KIF9: variants seen among roughly 807,000 people sequenced by gnomAD.
KIF9 encodes the protein kinesin family member 9.
Under a neutral mutation model 94.8 loss-of-function variants are expected in KIF9, and 68 were observed. The observed-to-expected ratio is 0.72, with a 90% confidence interval of 0.59 to 0.88. The LOEUF (loss-of-function observed/expected upper bound fraction) is 0.88, where lower values mean the gene tolerates loss of function less well. Among genes scored for constraint, KIF9 ranks in the 40% least tolerant of loss-of-function variants. The pLI is 0.00. For synonymous variants in KIF9, 343 were observed against 362.1 expected (o/e 0.95, Z 0.60); for missense variants, 882 against 982.5 (o/e 0.90, Z 1.37).
At chr3:47,250,596 C>T (rs1298125223) in intron 10 of KIF9, 2 of 486,786 alleles carry the variant, frequency 4.1e-6, no homozygotes, top group Non-Finnish European at 8.3e-6. Context: ...TATGAACACA[C>T]AATCATCACA....
At chr3:47,269,732 G>C (rs1701515748) in intron 5 of KIF9, among the ~76,000 whole-genome samples, 1 of 149,158 alleles carries the variant, frequency 6.7e-6, no homozygotes, top group Non-Finnish European at 1.5e-5. Flanking sequence ...CCCCCGAGTA[G>C]CTGGGATTAC....
At position 47,234,563 on chromosome 3, in the gene KIF9, C is replaced by CT. The variant is rs954442179; in HGVS notation, c.2322+949dup. On this transcript the variant is annotated intron_variant, in intron 20 of 20. Coordinates refer to ENST00000684063, the MANE Select transcript of KIF9 (RefSeq NM_182902.4). ...CCACTGTGCCCAGCATTTTTTTTTT[C>CT]TTTTTTTTTGAGATAGAGTTTCGCT... Among the ~76,000 whole-genome samples, 58 of 132,392 alleles carry CT rather than the reference C, an allele frequency of 4.4e-4. No homozygotes were observed. The East Asian group carries it at 1.0e-2, about 23-fold the overall frequency. The allele number at this position is 132,392 out of a possible 152,430, so 86.9% of individuals were successfully genotyped here. A position where few individuals can be genotyped will look rare whatever the true frequency, so the allele number is the denominator to read the frequency against.
intron 9 of KIF9, among the ~76,000 whole-genome samples, chr3:47,260,145 T>C (rs1426534552): frequency 7.8e-6 from 1 of 128,948 alleles, no homozygotes; most frequent in Non-Finnish European, 1.6e-5. Flanking sequence ...CGGGCAGCAA[T>C]ACTGCTTTGT....
chr3:47,251,063 C>T (rs1041212236), intron 10 of KIF9, among the ~76,000 whole-genome samples: 1 of 152,228 alleles, frequency 6.6e-6, no homozygotes, highest in Admixed American at 6.5e-5. Flanking sequence ...CCACAAAGGT[C>T]CCCTTCAGGT....
At chr3:47,239,540 C>A in intron 17 of KIF9, 1 of 1,093,150 alleles carries the variant, frequency 9.1e-7, no homozygotes, top group Non-Finnish European at 1.1e-6. Context: ...TAAGAATGGC[C>A]CCAAGAATTA....
intron 10 of KIF9, among the ~76,000 whole-genome samples, chr3:47,249,586 C>T (rs1700139836): frequency 6.6e-6 from 1 of 152,170 alleles, no homozygotes; most frequent in South Asian, 2.1e-4. Context: ...CTCTTTTCTG[C>T]TTCTCTTCTC....
rs1559479087 is a variant in KIF9 at position 47,282,543 on chromosome 3, C to T, written c.-54G>A. On this transcript the variant is annotated 5_prime_UTR_variant, in exon 1 of 21. Coordinates refer to ENST00000684063, the MANE Select transcript of KIF9 (RefSeq NM_182902.4). ...CGGGACGCGACTGCCGCAACCGAAA[C>T]CACCTGCACTCCCCACGCGGGGCTG... 1.0e-6 allele frequency: 1 copy of T among 1,001,322 alleles called. No homozygotes were observed. Among genetic ancestry groups the T allele is most frequent in the South Asian group, 4.1e-5 (1 of 24,362 alleles). The allele number at this position is 1,001,322 out of a possible 1,614,324, so 62.0% of individuals were successfully genotyped here. A position where few individuals can be genotyped will look rare whatever the true frequency, so the allele number is the denominator to read the frequency against.
chr3:47,235,437 A>G (rs1412583535), intron 20 of KIF9, 76 bp downstream of exon 20: 12 of 1,007,444 alleles, frequency 1.2e-5, no homozygotes, highest in South Asian at 2.6e-5. Flanking sequence ...CTACCTCTCT[A>G]AAGTAGGGAA....
At chr3:47,240,327 A>C (rs1699374648) in intron 17 of KIF9, 1 of 218,154 alleles carries the variant, frequency 4.6e-6, no homozygotes, top group Non-Finnish European at 9.3e-6. Context: ...GGCCTTACTG[A>C]AAGTGAGTCC....
At chr3:47,251,986 G>T (rs1013527568) in intron 10 of KIF9, among the ~76,000 whole-genome samples, 2 of 152,156 alleles carry the variant, frequency 1.3e-5, no homozygotes, top group Non-Finnish European at 2.9e-5. Context: ...TGTGGAAGAG[G>T]TGGATTAGGA....
intron 5 of KIF9, 119 bp downstream of exon 5, chr3:47,271,118 T>C (rs966309359): frequency 1.1e-5 from 8 of 757,208 alleles, no homozygotes; most frequent in African/African-American, 7.1e-5. Flanking sequence ...TACTCCAGAC[T>C]TGGAGAAAAA....
intron 10 of KIF9, among the ~76,000 whole-genome samples, chr3:47,250,081 C>T (rs938436468): frequency 7.0e-6 from 1 of 143,256 alleles, no homozygotes; most frequent in African/African-American, 2.6e-5. Flanking sequence ...CCTTCTCCAC[C>T]CCTGCAACAT....
chr3:47,236,460 C>T lies in KIF9; in HGVS notation c.2084G>A (p.Arg695His), dbSNP rs369079241. 12 of 1,613,036 alleles carry T rather than the reference C, an allele frequency of 7.4e-6. No individual in the cohort carries two copies. The highest frequency in any genetic ancestry group is 4.0e-5 in the African/African-American group (3 of 74,876). ...TGTCGCACCCATGAGCAGGCGGTGGCGACACTGATCCACTAGGTGCTGGCA... is the reference window on the plus strand; with the variant it reads ...TGTCGCACCCATGAGCAGGCGGTGGTGACACTGATCCACTAGGTGCTGGCA... ...QYCQHLVDQCRHRLLMEFDIW... is the reference protein window; with the variant it reads ...QYCQHLVDQCHHRLLMEFDIW... The change falls in exon 18 of 21, where the codon CGC (arginine) becomes CAC (histidine). Residue 695 changes from arginine to histidine, a missense_variant. By Grantham distance (29) the Arg-to-His change is conservative. Coordinates refer to ENST00000684063, the MANE Select transcript of KIF9 (RefSeq NM_182902.4).
intron 9 of KIF9, among the ~76,000 whole-genome samples, chr3:47,261,549 A>G (rs893516686): frequency 1.3e-5 from 2 of 152,196 alleles, no homozygotes; most frequent in African/African-American, 4.8e-5. Context: ...TCATCTCTCA[A>G]TGAATGATCC....
At chr3:47,259,515 C>T (rs1383563242) in intron 9 of KIF9, among the ~76,000 whole-genome samples, 1 of 152,078 alleles carries the variant, frequency 6.6e-6, no homozygotes, top group Admixed American at 6.6e-5. Flanking sequence ...AGAGAAGGGG[C>T]AGATAATGGG....
intron 2 of KIF9, 90 bp from the exon 3 acceptor site, chr3:47,275,580 G>T: frequency 1.1e-6 from 1 of 929,816 alleles, no homozygotes; most frequent in Non-Finnish European, 1.7e-6. Context: ...TAATCTGGAG[G>T]GAACAGAGGA....
In KIF9 at chr3:47,243,084, G is replaced by A. The variant is rs771351667; in HGVS notation, c.1676C>T (p.Ser559Leu). ...RETSSIEPLP[S>L]DSPKEELRPI... ...GCGTAATTCCTCCTTCGGGGAGTCT[G>A]AGGGAAGGGGCTCAATGCTGGAAGT... is the stretch of plus-strand genomic sequence containing the variant. Residue 559 changes from serine to leucine, a missense_variant, in exon 16 of 21, where the codon TCA becomes TTA. Physicochemically the swap from Ser to Leu is moderately radical, Grantham distance 145. Coordinates refer to ENST00000684063, the MANE Select transcript of KIF9 (RefSeq NM_182902.4). The A allele has an allele frequency of 1.2e-6, 2 of 1,612,784 alleles. No individual in the cohort carries two copies. Among genetic ancestry groups the A allele is most frequent in the Non-Finnish European group, 1.7e-6 (2 of 1,178,968 alleles).
intron 20 of KIF9, among the ~76,000 whole-genome samples, chr3:47,235,211 G>A (rs949763205): frequency 3.3e-5 from 5 of 152,212 alleles, no homozygotes; most frequent in African/African-American, 9.7e-5. Context: ...AGTGGACCCC[G>A]TTGGAGAGGT....
intron 10 of KIF9, among the ~76,000 whole-genome samples, chr3:47,255,898 T>C (rs1231771310): frequency 6.6e-6 from 1 of 152,194 alleles, no homozygotes; most frequent in Non-Finnish European, 1.5e-5. Context: ...TGCCTGTGAT[T>C]GCGGGCGCGC....
Sources: allele counts gnomAD v4.1 joint callset (sites outside exome capture counted in the v4.1 genomes callset), GRCh38; gene constraint gnomAD v4.1.1; transcripts MANE v1.5; gene names NCBI Gene and HGNC (gene_info 2026-07-23, HGNC 2026-07-21).